Variants in KCNQ5 observed in about 807,000 individuals in gnomAD.
The protein encoded by KCNQ5 is potassium voltage-gated channel subfamily KQT member 5.
Under a neutral mutation model 98.2 loss-of-function variants are expected in KCNQ5, and 30 were observed. The observed-to-expected ratio is 0.31, with a 90% confidence interval of 0.23 to 0.41. The LOEUF is 0.41. Ranked by LOEUF, KCNQ5 falls within the 10% of genes least tolerant of loss-of-function variation. The pLI, the probability that KCNQ5 is intolerant of heterozygous loss-of-function variation, is 1.00. For synonymous variants in KCNQ5, 458 were observed against 449.4 expected (o/e 1.02, Z -0.24); for missense variants, 835 against 1,182.5 (o/e 0.71, Z 4.31).
chr6:72,650,375 AGAAAACTATTT>A (rs1294516600), intron 1 of KCNQ5, among the ~76,000 whole-genome samples: 1 of 152,188 alleles, frequency 6.6e-6, no homozygotes, highest in African/African-American at 2.4e-5. Context: ...AAAAACGGAA[AGAAAACTATTT>A]CAAATACCTT....
At chr6:72,774,175 G>A (rs1773051863) in intron 1 of KCNQ5, among the ~76,000 whole-genome samples, 1 of 152,098 alleles carries the variant, frequency 6.6e-6, no homozygotes, top group African/African-American at 2.4e-5. Context: ...AATAGGGGTT[G>A]GCAAACTTTT....
intron 5 of KCNQ5, among the ~76,000 whole-genome samples, chr6:73,090,292 T>C (rs1192170504): frequency 6.6e-6 from 1 of 152,192 alleles, no homozygotes; most frequent in Non-Finnish European, 1.5e-5. Flanking sequence ...TTGAGTTCAT[T>C]GTAGATTCTA....
chr6:73,068,725 C>G (rs1043428949), intron 3 of KCNQ5, among the ~76,000 whole-genome samples: 1 of 152,106 alleles, frequency 6.6e-6, no homozygotes, highest in Non-Finnish European at 1.5e-5. Context: ...TTTTATTAAT[C>G]CATCCTCATT....
chr6:73,115,107 G>T (rs994844383), intron 7 of KCNQ5, among the ~76,000 whole-genome samples: 1 of 151,862 alleles, frequency 6.6e-6, no homozygotes, highest in African/African-American at 2.4e-5. Context: ...ATCAGTCTGG[G>T]CAATATAGTG....
At chr6:72,959,943 A>C (rs1767254544) in intron 1 of KCNQ5, among the ~76,000 whole-genome samples, 1 of 152,212 alleles carries the variant, frequency 6.6e-6, no homozygotes, top group Non-Finnish European at 1.5e-5. Flanking sequence ...AAACAAATAA[A>C]TGTAGAGAGA....
intron 1 of KCNQ5, among the ~76,000 whole-genome samples, chr6:72,684,144 T>C (rs2154473939): frequency 6.6e-6 from 1 of 152,332 alleles, no homozygotes; most frequent in South Asian, 2.1e-4. Context: ...AAGCCCGACA[T>C]GATTCTCTTA....
chr6:73,087,136 G>A (rs1254122060), intron 5 of KCNQ5, among the ~76,000 whole-genome samples: 1 of 152,172 alleles, frequency 6.6e-6, no homozygotes. Context: ...CCCCTTGCAG[G>A]TATATGAAGA....
intron 2 of KCNQ5, among the ~76,000 whole-genome samples, chr6:73,028,644 C>T (rs894188751): frequency 6.6e-6 from 1 of 152,194 alleles, no homozygotes; most frequent in East Asian, 1.9e-4. Flanking sequence ...TGCACTTTCT[C>T]TCTCCAATAC....
chr6:73,189,889 G>A (rs570065655), intron 11 of KCNQ5, among the ~76,000 whole-genome samples: 11 of 152,098 alleles, frequency 7.2e-5, no homozygotes, highest in African/African-American at 2.4e-4. Context: ...TGTTATGGCA[G>A]GACCCAGTGG....
At chr6:72,901,131 C>T (rs1177127425) in intron 1 of KCNQ5, among the ~76,000 whole-genome samples, 3 of 131,058 alleles carry the variant, frequency 2.3e-5, no homozygotes, top group African/African-American at 8.4e-5. Flanking sequence ...CCCCCCTCCC[C>T]CCTCCCCCGA....
At chr6:72,969,767 C>T (rs181727866) in intron 1 of KCNQ5, among the ~76,000 whole-genome samples, 7 of 151,982 alleles carry the variant, frequency 4.6e-5, no homozygotes, top group South Asian at 2.1e-4. Flanking sequence ...TCAACTATTG[C>T]GGCTCTTTCC....
chr6:72,679,257 T>C (rs949987711), intron 1 of KCNQ5, among the ~76,000 whole-genome samples: 1 of 152,152 alleles, frequency 6.6e-6, no homozygotes, highest in South Asian at 2.1e-4. Flanking sequence ...CATGCTGCTA[T>C]AAAGACACAT....
intron 1 of KCNQ5, among the ~76,000 whole-genome samples, chr6:72,769,928 G>T (rs1454042024): frequency 6.6e-6 from 1 of 152,124 alleles, no homozygotes; most frequent in Non-Finnish European, 1.5e-5. Context: ...TTTTTAGGCA[G>T]TGTATTGACA....
At chr6:72,976,062 C>A (rs1011819867) in intron 1 of KCNQ5, among the ~76,000 whole-genome samples, 1 of 152,082 alleles carries the variant, frequency 6.6e-6, no homozygotes, top group Non-Finnish European at 1.5e-5. Flanking sequence ...TGCTGCATGA[C>A]CCAAGGTTAA....
Position 72,934,229 on chromosome 6 carries a change from T to C in KCNQ5, c.399-69679T>C, listed in dbSNP as rs150358247. Among the ~76,000 whole-genome samples, 1,119 of 152,318 alleles carry C rather than the reference T, an allele frequency of 7.3e-3. 35 individuals are homozygous for C. The highest frequency in any genetic ancestry group is 0.061 in the Admixed American group (927 of 15,286). ...ATACATCTAGGGACAGAGTGTTCCA[T>C]GCAGAGCCAATAGAAAGGCCCTAAA... On this transcript the variant is annotated intron_variant, in intron 1 of 13. Coordinates refer to ENST00000370398, the MANE Select transcript of KCNQ5 (RefSeq NM_019842.4).
At chr6:72,887,617 T>C (rs547455145) in intron 1 of KCNQ5, among the ~76,000 whole-genome samples, 7 of 152,296 alleles carry the variant, frequency 4.6e-5, no homozygotes, top group Non-Finnish European at 1.0e-4. Flanking sequence ...CAACAGCATA[T>C]CAGTTGTTGA....
At chr6:72,839,634 A>G (rs1776694867) in intron 1 of KCNQ5, among the ~76,000 whole-genome samples, 1 of 152,208 alleles carries the variant, frequency 6.6e-6, no homozygotes, top group Non-Finnish European at 1.5e-5. Context: ...TTCACCATTC[A>G]GAGTACTTTT....
chr6:72,863,242 A>G (rs1016539305), intron 1 of KCNQ5, among the ~76,000 whole-genome samples: 6 of 152,206 alleles, frequency 3.9e-5, no homozygotes, highest in Non-Finnish European at 7.3e-5. Flanking sequence ...ATAGCCACTT[A>G]GAGACTAGAG....
intron 1 of KCNQ5, among the ~76,000 whole-genome samples, chr6:72,713,064 C>T (rs1465674218): frequency 1.3e-5 from 2 of 152,114 alleles, no homozygotes; most frequent in Non-Finnish European, 2.9e-5. Flanking sequence ...TGAATACATG[C>T]TTAAAGTCGC....
Sources: gnomAD v4.1 joint callset for allele counts (sites outside exome capture counted in the v4.1 genomes callset) on GRCh38, gnomAD v4.1.1 for gene constraint, MANE v1.5 for transcripts, NCBI Gene and HGNC (gene_info 2026-07-23, HGNC 2026-07-21) for gene names.